The following TMEM178B variants were observed in gnomAD, a reference collection of about 807,000 sequenced individuals.
TMEM178B encodes the protein transmembrane protein 178B.
Under a neutral mutation model 31.0 loss-of-function variants are expected in TMEM178B, and 5 were observed. That is an observed-to-expected ratio of 0.16 (90% CI 0.08 to 0.34). The LOEUF (loss-of-function observed/expected upper bound fraction) is 0.34. Ranked by LOEUF, TMEM178B falls within the 10% of genes least tolerant of loss-of-function variation. The pLI, the probability that TMEM178B is intolerant of heterozygous loss-of-function variation, is 1.00. For synonymous variants in TMEM178B, 164 were observed against 164.0 expected (o/e 1.00, Z 0.00); for missense variants, 275 against 400.3 (o/e 0.69, Z 2.67).
chr7:141,423,202 AT>A (rs1801246584), intron 2 of TMEM178B, among the ~76,000 whole-genome samples: 1 of 151,844 alleles, frequency 6.6e-6, no homozygotes. Context: ...TAATTTTTGT[AT>A]TTTTAGTAGA....
chr7:141,430,515 C>T (rs577797730), intron 2 of TMEM178B, among the ~76,000 whole-genome samples: 1 of 152,278 alleles, frequency 6.6e-6, no homozygotes, highest in East Asian at 1.9e-4. Flanking sequence ...GACCCAGAGA[C>T]GGGGACTAAT....
At chr7:141,215,839 T>TTTCTTTCTTTCTTTC (rs1261133896) in intron 2 of TMEM178B, among the ~76,000 whole-genome samples, 4 of 64,762 alleles carry the variant, frequency 6.2e-5, no homozygotes, top group Non-Finnish European at 1.2e-4. Context: ...TCTTTCTTTC[T>TTTCTTTCTTTCTTTC]TTTCTTTTCT....
chr7:141,441,343 T>A (rs1801652970), intron 3 of TMEM178B, among the ~76,000 whole-genome samples: 1 of 152,160 alleles, frequency 6.6e-6, no homozygotes, highest in Non-Finnish European at 1.5e-5. Flanking sequence ...GGTTGGCCTG[T>A]TGAAGAATTT....
intron 2 of TMEM178B, among the ~76,000 whole-genome samples, chr7:141,373,226 G>A (rs1478684358): frequency 6.6e-6 from 1 of 152,192 alleles, no homozygotes; most frequent in Admixed American, 6.5e-5. Flanking sequence ...TGTTGCTGTG[G>A]TGCAAGCTCT....
At chr7:141,109,526 A>G (rs576391493) in intron 1 of TMEM178B, among the ~76,000 whole-genome samples, 1 of 152,228 alleles carries the variant, frequency 6.6e-6, no homozygotes, top group East Asian at 1.9e-4. Flanking sequence ...TCTTCAGTAT[A>G]CTTAATTCAG....
chr7:141,228,998 T>A (rs1179924134), intron 2 of TMEM178B, among the ~76,000 whole-genome samples: 1 of 149,358 alleles, frequency 6.7e-6, no homozygotes, highest in African/African-American at 2.5e-5. Flanking sequence ...GTCCATGGAT[T>A]AGAGTCAGTA....
intron 2 of TMEM178B, among the ~76,000 whole-genome samples, chr7:141,302,169 A>G (rs192943740): frequency 6.6e-6 from 1 of 152,350 alleles, no homozygotes; most frequent in Admixed American, 6.5e-5. Context: ...TTTTATAACT[A>G]CTAGTCTTTA....
chr7:141,231,223 T>G (rs1391948570), intron 2 of TMEM178B, among the ~76,000 whole-genome samples: 2 of 151,852 alleles, frequency 1.3e-5, no homozygotes, highest in Non-Finnish European at 2.9e-5. Flanking sequence ...AGCAGCTCAG[T>G]GCATATTTAT....
chr7:141,400,312 A>G (rs1387056858), intron 2 of TMEM178B, among the ~76,000 whole-genome samples: 2 of 152,210 alleles, frequency 1.3e-5, no homozygotes, highest in Non-Finnish European at 2.9e-5. Flanking sequence ...AAGTTTCTAT[A>G]TACTCTCTTC....
At chr7:141,413,202 G>C (rs1030646775) in intron 2 of TMEM178B, among the ~76,000 whole-genome samples, 1 of 152,192 alleles carries the variant, frequency 6.6e-6, no homozygotes, top group South Asian at 2.1e-4. Context: ...TTTTACAGCT[G>C]ATACATTGTT....
chr7:141,276,832 A>G (rs979761070), intron 2 of TMEM178B, among the ~76,000 whole-genome samples: 1 of 152,260 alleles, frequency 6.6e-6, no homozygotes, highest in African/African-American at 2.4e-5. Context: ...GCTAGGCTAC[A>G]AACCTGTACA....
At chr7:141,495,270 G>C in the TMEM178B span, among the ~76,000 whole-genome samples, 2 of 152,314 alleles carry the variant, frequency 1.3e-5, no homozygotes, top group Middle Eastern at 3.4e-3. Flanking sequence ...CATGTCACTA[G>C]GTTGCCAAAA....
chr7:141,507,957 T>C, the TMEM178B span, among the ~76,000 whole-genome samples: 1 of 152,232 alleles, frequency 6.6e-6, no homozygotes, highest in African/African-American at 2.4e-5. Flanking sequence ...TTCCCCATGA[T>C]CTTGGGCATT....
At chr7:141,244,138 A>G (rs955361192) in intron 2 of TMEM178B, among the ~76,000 whole-genome samples, 6 of 152,238 alleles carry the variant, frequency 3.9e-5, no homozygotes, top group Non-Finnish European at 8.8e-5. Flanking sequence ...TAAGCATTGC[A>G]TAAAGCTCAG....
At chr7:141,426,813 A>G (rs1801326240) in intron 2 of TMEM178B, among the ~76,000 whole-genome samples, 1 of 152,206 alleles carries the variant, frequency 6.6e-6, no homozygotes, top group Non-Finnish European at 1.5e-5. Context: ...TCCATTAAAA[A>G]GCTATATTTA....
At chr7:141,397,510 A>C (rs1230952157) in intron 2 of TMEM178B, among the ~76,000 whole-genome samples, 1 of 152,146 alleles carries the variant, frequency 6.6e-6, no homozygotes, top group Non-Finnish European at 1.5e-5. Context: ...GGTGACTTGG[A>C]ACTTGGAACA....
chr7:141,157,133 C>T (rs1350850809), intron 1 of TMEM178B, among the ~76,000 whole-genome samples: 3 of 152,152 alleles, frequency 2.0e-5, no homozygotes, highest in Non-Finnish European at 2.9e-5. Flanking sequence ...CTCACTGTCC[C>T]TTCTGCCCTC....
intron 1 of TMEM178B, among the ~76,000 whole-genome samples, chr7:141,091,388 A>C (rs1213583596): frequency 6.6e-6 from 1 of 152,218 alleles, no homozygotes; most frequent in Non-Finnish European, 1.5e-5. Flanking sequence ...GTAGGAACCC[A>C]GTGGTCTATT....
At chr7:141,096,371 T>G (rs1437731856) in intron 1 of TMEM178B, among the ~76,000 whole-genome samples, 1 of 152,198 alleles carries the variant, frequency 6.6e-6, no homozygotes, top group Non-Finnish European at 1.5e-5. Flanking sequence ...TCCCATAAAA[T>G]AATTCTGTGT....
Sources: allele counts gnomAD v4.1 joint callset (sites outside exome capture counted in the v4.1 genomes callset), GRCh38; gene constraint gnomAD v4.1.1; transcripts MANE v1.5; gene names NCBI Gene and HGNC (gene_info 2026-07-23, HGNC 2026-07-21).